TMTC1: variants seen among roughly 807,000 people sequenced by gnomAD.
TMTC1 encodes the protein transmembrane O-mannosyltransferase targeting cadherins 1.
Under a neutral mutation model 104.8 loss-of-function variants are expected in TMTC1, and 73 were observed. The observed-to-expected ratio is 0.70, with a 90% CI of 0.58 to 0.85. The LOEUF is 0.85. Ranked by LOEUF, TMTC1 falls within the 40% of genes least tolerant of loss-of-function variation. The probability of loss-of-function intolerance (pLI) is 0.00; values close to 1 mark genes in which losing one functional copy is unlikely to be tolerated. For missense variants in TMTC1, 1,035 were observed against 1,096.1 expected (o/e 0.94, Z 0.79); for synonymous variants, 434 against 428.7 (o/e 1.01, Z -0.15).
intron 6 of TMTC1, among the ~76,000 whole-genome samples, chr12:29,615,747 T>C (rs1316488708): frequency 1.3e-5 from 2 of 152,232 alleles, no homozygotes; most frequent in Middle Eastern, 3.2e-3. Flanking sequence ...TACTGTTGCC[T>C]TGTTGAAAAC....
At chr12:29,681,146 A>G (rs926389915) in intron 5 of TMTC1, among the ~76,000 whole-genome samples, 21 of 151,514 alleles carry the variant, frequency 1.4e-4, no homozygotes, top group Non-Finnish European at 2.7e-4. Flanking sequence ...AAATATCTGG[A>G]ATATAAAGCA....
intron 6 of TMTC1, 54 bp from the exon 7 acceptor site, chr12:29,604,353 G>A (rs1467770190): frequency 1.2e-6 from 2 of 1,608,460 alleles, no homozygotes; most frequent in Non-Finnish European, 1.7e-6. Flanking sequence ...TCCACTTCAG[G>A]CAGCATTTAA....
intron 5 of TMTC1, among the ~76,000 whole-genome samples, chr12:29,719,255 T>C (rs1942168785): frequency 6.6e-6 from 1 of 152,220 alleles, no homozygotes; most frequent in Non-Finnish European, 1.5e-5. Context: ...TTAAGCTTTC[T>C]CATGGTGTTT....
At chr12:29,613,891 C>T in intron 6 of TMTC1, 1 of 952,814 alleles carries the variant, frequency 1.0e-6, no homozygotes, top group Non-Finnish European at 1.2e-6. Context: ...TACTTTTTCA[C>T]AAAGCAAGTC....
intron 8 of TMTC1, 113 bp downstream of exon 8, chr12:29,583,294 G>T (rs1383662051): frequency 1.0e-6 from 1 of 955,116 alleles, no homozygotes; most frequent in Non-Finnish European, 1.5e-6. Context: ...CTTTATTAAA[G>T]ATAATTTTCC....
At chr12:29,550,933 C>CA (rs200605964) in intron 10 of TMTC1, among the ~76,000 whole-genome samples, 4 of 108,332 alleles carry the variant, frequency 3.7e-5, no homozygotes, top group African/African-American at 1.6e-4. Flanking sequence ...GACTCCATCT[C>CA]AAAAAAAAAA....
At chr12:29,621,872 C>T (rs1251090099) in intron 6 of TMTC1, among the ~76,000 whole-genome samples, 2 of 152,120 alleles carry the variant, frequency 1.3e-5, no homozygotes, top group East Asian at 3.8e-4. Flanking sequence ...CCCTACCCCA[C>T]CCCTACCCTC....
chr12:29,539,422 CCTTTT>C (rs541933971), intron 10 of TMTC1, among the ~76,000 whole-genome samples: 36 of 152,314 alleles, frequency 2.4e-4, no homozygotes, highest in African/African-American at 8.4e-4. Flanking sequence ...TCATTCTTCT[CCTTTT>C]ATTACGTGCC....
chr12:29,557,598 C>T (rs751734538), intron 9 of TMTC1, among the ~76,000 whole-genome samples: 29 of 152,126 alleles, frequency 1.9e-4, no homozygotes, highest in Non-Finnish European at 3.7e-4. Context: ...TACAGGCGTC[C>T]GCCACCACGC....
At chr12:29,694,875 G>C (rs1941371327) in intron 5 of TMTC1, among the ~76,000 whole-genome samples, 1 of 152,162 alleles carries the variant, frequency 6.6e-6, no homozygotes, top group African/African-American at 2.4e-5. Context: ...GGGAGGCGGA[G>C]GTTGCAGTGA....
In TMTC1 at chr12:29,731,472, G is replaced by A. The variant is rs113648868; in HGVS notation, c.938+20194C>T. Among the ~76,000 whole-genome samples, 3 of 152,252 alleles carry A rather than the reference G, an allele frequency of 2.0e-5. 1 individual carries two copies. The highest frequency in any genetic ancestry group is 4.8e-5 in the African/African-American group (2 of 41,552). On this transcript the variant is annotated intron_variant, in intron 5 of 17. Coordinates refer to ENST00000539277, the MANE Select transcript of TMTC1 (RefSeq NM_001193451.2). Reference sequence around the variant, plus strand: ...GGCCGCAAATTGGATTTTAAACAACGTAACAGCAAAGCAGTAGAGAGTAAA... The same window carrying A: ...GGCCGCAAATTGGATTTTAAACAACATAACAGCAAAGCAGTAGAGAGTAAA...
chr12:29,516,330 A>C lies in TMTC1; in HGVS notation c.2307+19T>G, dbSNP rs371307609. 6 of 1,609,814 alleles carry C rather than the reference A, an allele frequency of 3.7e-6. No homozygotes were observed. The highest frequency in any genetic ancestry group is 5.1e-6 in the Non-Finnish European group (6 of 1,177,572). On this transcript the variant is annotated intron_variant, in intron 15 of 17. Coordinates refer to ENST00000539277, the MANE Select transcript of TMTC1 (RefSeq NM_001193451.2). Reference sequence around the variant, plus strand: ...TTAACCTATGAATCCAAAGAACTCTAAACAATGTCCTTCTTTACCTTGTCG... The same window carrying C: ...TTAACCTATGAATCCAAAGAACTCTCAACAATGTCCTTCTTTACCTTGTCG...
intron 5 of TMTC1, among the ~76,000 whole-genome samples, chr12:29,742,716 T>A (rs1942858039): frequency 6.6e-6 from 1 of 152,228 alleles, no homozygotes; most frequent in Non-Finnish European, 1.5e-5. Flanking sequence ...ATATGCCTTT[T>A]GAGACATAAC....
At chr12:29,579,475 AACT>A (rs1945916607) in intron 8 of TMTC1, among the ~76,000 whole-genome samples, 1 of 152,160 alleles carries the variant, frequency 6.6e-6, no homozygotes, top group African/African-American at 2.4e-5. Flanking sequence ...GGGGAAAGAG[AACT>A]ACTGTTTTTC....
chr12:29,761,844 T>C (rs1015282428), intron 2 of TMTC1, among the ~76,000 whole-genome samples: 1 of 152,172 alleles, frequency 6.6e-6, no homozygotes, highest in Non-Finnish European at 1.5e-5. Context: ...AGCATCCTGA[T>C]GCAATGAGCA....
At chr12:29,697,119 A>G (rs1369537057) in intron 5 of TMTC1, among the ~76,000 whole-genome samples, 1 of 152,222 alleles carries the variant, frequency 6.6e-6, no homozygotes, top group Non-Finnish European at 1.5e-5. Flanking sequence ...ACAGGTTCTC[A>G]ATATGTATTC....
chr12:29,711,635 G>T (rs1298259680), intron 5 of TMTC1, among the ~76,000 whole-genome samples: 1 of 152,146 alleles, frequency 6.6e-6, no homozygotes, highest in African/African-American at 2.4e-5. Flanking sequence ...GGGATTTGGG[G>T]CCCAGAGGCA....
intron 5 of TMTC1, among the ~76,000 whole-genome samples, chr12:29,712,845 G>A (rs1187113405): frequency 6.6e-6 from 1 of 152,134 alleles, no homozygotes; most frequent in Non-Finnish European, 1.5e-5. Context: ...TGGTGATGTC[G>A]AATCTACTGG....
chr12:29,634,369 T>C lies in TMTC1; in HGVS notation c.939-1033A>G, dbSNP rs1938446860. 2.6e-5 allele frequency among the ~76,000 whole-genome samples: 4 copies of C among 152,132 alleles called. No individual in the cohort carries two copies. In the South Asian group the frequency reaches 8.3e-4, roughly 32 times the overall value. ...CCCAATCTCTGGAAGCACAGAACTT[T>C]AACTTTGAGAACTGTCAGCCAGTGG... On this transcript the variant is annotated intron_variant, in intron 5 of 17. Coordinates refer to ENST00000539277, the MANE Select transcript of TMTC1 (RefSeq NM_001193451.2).
Sources: gnomAD v4.1 joint callset for allele counts (sites outside exome capture counted in the v4.1 genomes callset) on GRCh38, gnomAD v4.1.1 for gene constraint, MANE v1.5 for transcripts, NCBI Gene and HGNC (gene_info 2026-07-23, HGNC 2026-07-21) for gene names.